Variants in ANKFY1 observed in about 807,000 individuals in gnomAD.
ANKFY1 encodes ankyrin repeat and FYVE domain-containing protein 1.
ANKFY1 carries 47 observed loss-of-function variants against 128.3 expected under a neutral mutation model. The ratio of observed to expected loss-of-function variants is 0.37; its 90% CI spans 0.29 to 0.47. ANKFY1 has a LOEUF of 0.47. Among genes scored for constraint, ANKFY1 ranks in the 20% least tolerant of loss-of-function variants. The pLI is 1.00. For missense variants in ANKFY1, 1,222 were observed against 1,510.6 expected (o/e 0.81, Z 3.17); for synonymous variants, 553 against 601.6 (o/e 0.92, Z 1.18).
Position 4,195,053 on chromosome 17 carries a change from A to C in ANKFY1, c.1297T>G (p.Ser433Ala), listed in dbSNP as rs755015271. 28 of 1,614,096 alleles carry C rather than the reference A, an allele frequency of 1.7e-5. No homozygotes were observed. In the Admixed American group the frequency reaches 3.8e-4, roughly 22 times the overall value. The change falls in exon 10 of 25, where the codon TCA becomes GCA. Residue 433 changes from serine to alanine, a missense_variant. Transcript: ENST00000341657. ...GCTGCAAAGCTGTTCTCATCAAATG[A>C]AGTCCCATTTACCACGGGGACATCT... is the stretch of plus-strand genomic sequence containing the variant. ...FEDVPVVNGTSFDENSFAARL... is the reference protein window; with the variant it reads ...FEDVPVVNGTAFDENSFAARL...
intron 18 of ANKFY1, among the ~76,000 whole-genome samples, chr17:4,177,618 C>T (rs760470904): frequency 1.3e-5 from 2 of 152,174 alleles, no homozygotes; most frequent in African/African-American, 2.4e-5. Context: ...GATAGGGAAA[C>T]GCAAGCACCA....
intron 7 of ANKFY1, among the ~76,000 whole-genome samples, chr17:4,198,551 T>C (rs770102546): frequency 1.3e-5 from 2 of 152,058 alleles, no homozygotes; most frequent in Non-Finnish European, 2.9e-5. Context: ...TTTTGTATTT[T>C]AGTAGGGACG....
chr17:4,223,363 T>C lies in ANKFY1; in HGVS notation c.323-6245A>G, dbSNP rs560747693. The C allele has an allele frequency of 2.4e-4, 383 of 1,587,974 alleles. 4 individuals carry two copies. Among genetic ancestry groups the C allele is most frequent in the Non-Finnish European group, 1.3e-5 (15 of 1,157,790 alleles). On this transcript the variant is annotated intron_variant, in intron 3 of 24. Transcript: ENST00000341657. ...AACAAGACCTGGTACACATGGCTAT[T>C]CAGATTGCCTGTGGAATGAGCTACC...
Position 4,178,770 on chromosome 17 carries a change from G to T in ANKFY1, c.2598+87C>A. On this transcript the variant is annotated intron_variant, in intron 18 of 24. Coordinates refer to ENST00000341657, the MANE Select transcript of ANKFY1 (RefSeq NM_001330063.2). The surrounding 1 kb of genome is among the most constrained non-coding windows in gnomAD (Gnocchi z 4.1). ...CAAAACAAAGCTCTTTCCATGAGGAGACCTGTTTAGTCGGTGACATCTGTC... is the reference window on the plus strand; with the variant it reads ...CAAAACAAAGCTCTTTCCATGAGGATACCTGTTTAGTCGGTGACATCTGTC... 1 of 1,295,154 alleles carries T rather than the reference G, an allele frequency of 7.7e-7. No individual in the cohort carries two copies. Among genetic ancestry groups the T allele is most frequent in the Non-Finnish European group, 1.1e-6 (1 of 907,144 alleles). 80.2% of individuals were successfully genotyped at this position (1,295,154 alleles called of 1,614,324 possible). A position where few individuals can be genotyped will look rare whatever the true frequency, so the allele number is the denominator to read the frequency against.
intron 7 of ANKFY1, among the ~76,000 whole-genome samples, chr17:4,202,870 A>AAC (rs1555629848): frequency 6.6e-6 from 1 of 151,286 alleles, no homozygotes; most frequent in Non-Finnish European, 1.5e-5. Flanking sequence ...GATAAAAAAA[A>AAC]ATTTTATATC....
intron 3 of ANKFY1, among the ~76,000 whole-genome samples, chr17:4,226,476 A>C (rs2060427113): frequency 6.6e-6 from 1 of 152,246 alleles, no homozygotes; most frequent in African/African-American, 2.4e-5. Context: ...CTTGTATTAG[A>C]AAAGATCTAA....
intron 22 of ANKFY1, among the ~76,000 whole-genome samples, chr17:4,171,281 C>T (rs770205378): frequency 1.3e-5 from 2 of 152,302 alleles, no homozygotes; most frequent in African/African-American, 4.8e-5. Flanking sequence ...TCTAAACCTA[C>T]GAGTTGTGTA....
chr17:4,195,228 C>G, intron 9 of ANKFY1, 51 bp from the exon 10 acceptor site: 1 of 1,532,180 alleles, frequency 6.5e-7, no homozygotes, highest in East Asian at 2.3e-5. Context: ...TTGAGACACT[C>G]TATACTGACA....
rs1466320528 is a variant in ANKFY1 at position 4,167,935 on chromosome 17, A to G, written c.3378-24T>C. The G allele has an allele frequency of 1.1e-5, 18 of 1,608,444 alleles. No individual in the cohort carries two copies. The highest frequency in any genetic ancestry group is 6.6e-5 in the South Asian group (6 of 90,642). On this transcript the variant is annotated intron_variant, in intron 24 of 24. Transcript: ENST00000341657. This position sits in a 1 kb window ranked among gnomAD's most constrained non-coding sequence, Gnocchi z 4.1. Reference sequence around the variant, plus strand: ...GACTGTGGAAGCAAAGAAAGGAAGTATGAGAGGAGCGCCAACGACAGACTC... The same window carrying G: ...GACTGTGGAAGCAAAGAAAGGAAGTGTGAGAGGAGCGCCAACGACAGACTC...
At chr17:4,228,459 C>T (rs9898936) in intron 3 of ANKFY1, among the ~76,000 whole-genome samples, 53,220 of 151,168 alleles carry the variant, frequency 0.35, 9,566 homozygotes, top group Admixed American at 0.41. Context: ...CTCTGTCGTC[C>T]AGACGGGAGT....
At chr17:4,235,911 CAT>C (rs967906303) in intron 2 of ANKFY1, 21 bp from the exon 3 acceptor site, 5 of 1,547,860 alleles carry the variant, frequency 3.2e-6, no homozygotes, top group South Asian at 2.2e-5. Flanking sequence ...AAAAGATCCA[CAT>C]ATATTAGAAA....
At chr17:4,208,251 C>T in intron 5 of ANKFY1, 169 bp from the exon 6 acceptor site, 1 of 529,742 alleles carries the variant, frequency 1.9e-6, no homozygotes, top group Non-Finnish European at 3.2e-6. Flanking sequence ...TTGAACATCC[C>T]CATTTTACAG....
chr17:4,242,805 G>T (rs1967317787), intron 1 of ANKFY1, among the ~76,000 whole-genome samples: 1 of 152,162 alleles, frequency 6.6e-6, no homozygotes, highest in African/African-American at 2.4e-5. Context: ...GACCATCATG[G>T]TTACAGGGAT....
At chr17:4,206,980 C>A (rs899262958) in intron 6 of ANKFY1, among the ~76,000 whole-genome samples, 6 of 152,172 alleles carry the variant, frequency 3.9e-5, no homozygotes, top group South Asian at 2.1e-4. Context: ...TCACCCCCCC[C>A]AAAGACGGAC....
chr17:4,196,144 T>TAC (rs35005172), intron 8 of ANKFY1, among the ~76,000 whole-genome samples: 344 of 83,938 alleles, frequency 4.1e-3, no homozygotes, highest in African/African-American at 0.013. Flanking sequence ...CTGCATCTAC[T>TAC]ACACACACAC....
chr17:4,170,107 A>G (rs2059288025), intron 23 of ANKFY1, among the ~76,000 whole-genome samples: 1 of 152,204 alleles, frequency 6.6e-6, no homozygotes, highest in Admixed American at 6.5e-5. Context: ...CGACTCCACC[A>G]CAGACCAGCT....
At chr17:4,262,073 C>G (rs1046934533) in intron 1 of ANKFY1, among the ~76,000 whole-genome samples, 4 of 152,210 alleles carry the variant, frequency 2.6e-5, no homozygotes, top group African/African-American at 9.7e-5. Flanking sequence ...TACCTGCAAC[C>G]CCAGCACTTA....
intron 8 of ANKFY1, among the ~76,000 whole-genome samples, chr17:4,196,327 T>C (rs2059825084): frequency 1.3e-5 from 2 of 152,140 alleles, no homozygotes; most frequent in African/African-American, 4.8e-5. Flanking sequence ...TACGTACTTA[T>C]CTATCACATA....
At chr17:4,238,801 C>T (rs1967053474) in intron 2 of ANKFY1, among the ~76,000 whole-genome samples, 1 of 151,782 alleles carries the variant, frequency 6.6e-6, no homozygotes, top group African/African-American at 2.4e-5. Flanking sequence ...ACTCCATCCC[C>T]CAGGCTGGAG....
Sources: gnomAD v4.1 joint callset for allele counts (sites outside exome capture counted in the v4.1 genomes callset) on GRCh38, gnomAD v4.1.1 for gene constraint, Gnocchi (gnomAD v3.1) non-coding constraint, MANE v1.5 for transcripts, NCBI Gene and HGNC (gene_info 2026-07-23, HGNC 2026-07-21) for gene names.